MPPED1: variants seen among roughly 807,000 people sequenced by gnomAD.
MPPED1 encodes metallophosphoesterase domain-containing protein 1.
Under a neutral mutation model 36.2 loss-of-function variants are expected in MPPED1, and 16 were observed. That is an observed-to-expected ratio of 0.44 (90% CI 0.30 to 0.67). The LOEUF (loss-of-function observed/expected upper bound fraction) is 0.67, where lower values mean the gene tolerates loss of function less well. Among genes scored for constraint, MPPED1 ranks in the 30% least tolerant of loss-of-function variants. The probability of loss-of-function intolerance (pLI) is 0.10; values close to 1 mark genes in which losing one functional copy is unlikely to be tolerated. For synonymous variants in MPPED1, 199 were observed against 191.3 expected (o/e 1.04, Z -0.33); for missense variants, 307 against 453.4 (o/e 0.68, Z 2.93).
intron 3 of MPPED1, among the ~76,000 whole-genome samples, chr22:43,467,189 G>T (rs1309625534): frequency 6.6e-6 from 1 of 152,172 alleles, no homozygotes; most frequent in East Asian, 1.9e-4. Flanking sequence ...GTCAGGCTAC[G>T]CCCCCTGCAC....
intron 3 of MPPED1, among the ~76,000 whole-genome samples, chr22:43,447,708 A>G (rs900280302): frequency 1.3e-4 from 20 of 151,106 alleles, no homozygotes; most frequent in Admixed American, 4.0e-4. Context: ...CAGATTACAT[A>G]GGTCTCGGGA....
chr22:43,425,092 G>C lies in MPPED1; in HGVS notation c.107G>C (p.Arg36Pro). Residue 36 changes from arginine to proline, a missense_variant, in exon 2 of 7, where the codon CGG becomes CCG. Physicochemically the swap from Arg to Pro is moderately radical, Grantham distance 103. Around this residue, in one of 3 missense-constraint regions of MPPED1, gnomAD observed 169 missense variants for 212.3 expected, o/e 0.80. Coordinates refer to ENST00000443721, the MANE Select transcript of MPPED1 (RefSeq NM_001044370.2). ...TCCCAGTCCCACGTGATGGCCGCTC[G>C]GCGGCACCAGCACAGCCGGCTCATC... Reference protein sequence around the residue: ...AFSQSHVMAARRHQHSRLIIE... With the variant: ...AFSQSHVMAAPRHQHSRLIIE... 1.2e-6 allele frequency: 2 copies of C among 1,613,776 alleles called. No homozygotes were observed. Among genetic ancestry groups the C allele is most frequent in the African/African-American group, 1.3e-5 (1 of 75,056 alleles).
rs1602029728 is a variant in MPPED1 at position 43,502,022 on chromosome 22, C to T, written c.749-622C>T. Among the ~76,000 whole-genome samples, 4 of 152,206 alleles carry T rather than the reference C, an allele frequency of 2.6e-5. No homozygotes were observed. Among genetic ancestry groups the T allele is most frequent in the Admixed American group, 1.3e-4 (2 of 15,294 alleles). Reference sequence around the variant, plus strand: ...TTGCTTGGAGTAATCAATTATTCTCCGTTTGTGTAGCCATGTGAGGATAAT... The same window carrying T: ...TTGCTTGGAGTAATCAATTATTCTCTGTTTGTGTAGCCATGTGAGGATAAT... On this transcript the variant is annotated intron_variant, in intron 5 of 6. Coordinates refer to ENST00000443721, the MANE Select transcript of MPPED1 (RefSeq NM_001044370.2). The surrounding 1 kb of genome is among the most constrained non-coding windows in gnomAD (Gnocchi z 5.5).
intron 3 of MPPED1, among the ~76,000 whole-genome samples, chr22:43,471,002 G>A (rs1385999322): frequency 6.6e-6 from 1 of 152,218 alleles, no homozygotes. Context: ...TTATGTATGG[G>A]AGCTGGGCCT....
intron 4 of MPPED1, among the ~76,000 whole-genome samples, chr22:43,497,824 C>T (rs1228761125): frequency 6.8e-6 from 1 of 146,076 alleles, no homozygotes; most frequent in Non-Finnish European, 1.5e-5. Flanking sequence ...GGGCATCTTC[C>T]TGGGGGTGGG....
intron 3 of MPPED1, among the ~76,000 whole-genome samples, chr22:43,450,309 G>C (rs2146853201): frequency 6.6e-6 from 1 of 152,338 alleles, no homozygotes; most frequent in East Asian, 1.9e-4. Flanking sequence ...CATGCCTGCT[G>C]GGCAGCCCTG....
intron 3 of MPPED1, among the ~76,000 whole-genome samples, chr22:43,438,677 C>CTG (rs1569069785): frequency 1.3e-5 from 2 of 152,030 alleles, no homozygotes; most frequent in Non-Finnish European, 2.9e-5. Context: ...CTCTCTCTCT[C>CTG]TGTGTCTGAT....
At chr22:43,457,680 A>G (rs113764542) in intron 3 of MPPED1, among the ~76,000 whole-genome samples, 6,729 of 152,160 alleles carry the variant, frequency 0.044, 499 homozygotes, top group African/African-American at 0.15. Flanking sequence ...GAAAAATTGT[A>G]TTAGTTGTTG....
chr22:43,444,277 GGGGTGTGTGTGTGTGT>G (rs1479484528), intron 3 of MPPED1, among the ~76,000 whole-genome samples: 1 of 86,990 alleles, frequency 1.1e-5, no homozygotes, highest in Non-Finnish European at 2.3e-5. Context: ...GAGACCCACT[GGGGTGTGTGTGTGTGT>G]GTGTGTGTGT....
chr22:43,484,392 G>T (rs139244540), intron 4 of MPPED1, among the ~76,000 whole-genome samples: 2 of 152,200 alleles, frequency 1.3e-5, no homozygotes, highest in South Asian at 2.1e-4. Flanking sequence ...TGGCTCAGGC[G>T]TGTAGACTTG....
intron 6 of MPPED1, among the ~76,000 whole-genome samples, chr22:43,503,457 C>T (rs1296139358): frequency 1.3e-5 from 2 of 152,168 alleles, no homozygotes; most frequent in African/African-American, 4.8e-5. Flanking sequence ...ACGTGGTTTC[C>T]CCCAGAGACA....
At position 43,498,302 on chromosome 22, in the gene MPPED1, C is replaced by T. The variant is rs1169977121; in HGVS notation, c.700C>T (p.Leu234Phe). 1 of 1,535,460 alleles carries T rather than the reference C, an allele frequency of 6.5e-7. No individual in the cohort carries two copies. The highest frequency in any genetic ancestry group is 8.7e-7 in the Non-Finnish European group (1 of 1,146,568). Residue 234 changes from leucine (L) to phenylalanine (F), a missense_variant, in exon 5 of 7, where the codon CTC (leucine) becomes TTC (phenylalanine). By Grantham distance (22) the Leu-to-Phe change is conservative. This residue lies in a region of MPPED1 where 132 missense variants were observed against 212.3 expected (regional missense o/e 0.62). Coordinates refer to ENST00000443721, the MANE Select transcript of MPPED1 (RefSeq NM_001044370.2). ...CCAAGCCCTGCTGGAGAAATGGAACCTCATTCCCGAAGGCGTAGACATCCT... is the reference window on the plus strand; with the variant it reads ...CCAAGCCCTGCTGGAGAAATGGAACTTCATTCCCGAAGGCGTAGACATCCT... Reference protein sequence around the residue: ...RGQALLEKWNLIPEGVDILIT... With the variant: ...RGQALLEKWNFIPEGVDILIT...
At chr22:43,469,606 G>C (rs574792130) in intron 3 of MPPED1, among the ~76,000 whole-genome samples, 1 of 121,086 alleles carries the variant, frequency 8.3e-6, no homozygotes, top group Non-Finnish European at 1.8e-5. Context: ...TGGGACTTCC[G>C]TTCTGTGTCC....
chr22:43,499,028 A>G (rs1602023395), intron 5 of MPPED1, among the ~76,000 whole-genome samples: 1 of 150,522 alleles, frequency 6.6e-6, no homozygotes, highest in African/African-American at 2.4e-5. Flanking sequence ...TCTCTCTCCC[A>G]TGGTCATGGT....
Position 43,487,470 on chromosome 22 carries a change from C to T in MPPED1, c.633-10765C>T, listed in dbSNP as rs78443250. ...GCAGATCCTAAAGCCCCGTGTGCCA[C>T]GCCGAGGGCTGGGCTTGTCCTGGAA... is the stretch of plus-strand genomic sequence containing the variant. On this transcript the variant is annotated intron_variant, in intron 4 of 6. Transcript: ENST00000443721. 6.1e-3 allele frequency among the ~76,000 whole-genome samples: 927 copies of T among 152,228 alleles called. 4 individuals carry two copies. The highest frequency in any genetic ancestry group is 0.021 in the African/African-American group (878 of 41,518).
At chr22:43,453,557 G>A (rs898679239) in intron 3 of MPPED1, among the ~76,000 whole-genome samples, 6 of 152,150 alleles carry the variant, frequency 3.9e-5, no homozygotes, top group Non-Finnish European at 7.3e-5. Flanking sequence ...GGGGGATGAG[G>A]TGGGCCAGGA....
chr22:43,482,785 C>T (rs1320040862), intron 4 of MPPED1, among the ~76,000 whole-genome samples: 1 of 152,236 alleles, frequency 6.6e-6, no homozygotes, highest in Non-Finnish European at 1.5e-5. Context: ...AGCCAGGTGG[C>T]TCTGGGATGA....
chr22:43,500,309 GATGGAGGTGGTGATGGTGGTGGTGGA>G lies in MPPED1; in HGVS notation c.748+1960_748+1985del, dbSNP rs1481032206. ...TGATGGGGGTGGTGGTGGTGATGGT[GATGGAGGTGGTGATGGTGGTGGTGGA>G]GGTGGTGGTGGTGATGGTGATGGAG... On this transcript the variant is annotated intron_variant, in intron 5 of 6. Coordinates refer to ENST00000443721, the MANE Select transcript of MPPED1 (RefSeq NM_001044370.2). 1.0e-3 allele frequency among the ~76,000 whole-genome samples: 144 copies of G among 140,040 alleles called. 1 individual carries two copies. The highest frequency in any genetic ancestry group is 1.7e-3 in the Admixed American group (23 of 13,932). The allele number at this position is 140,040 out of a possible 152,430, so 91.9% of individuals were successfully genotyped here. A position where few individuals can be genotyped will look rare whatever the true frequency, so the allele number is the denominator to read the frequency against.
intron 5 of MPPED1, among the ~76,000 whole-genome samples, chr22:43,500,290 G>GGAGGTGGTGGTGGT (rs1932665214): frequency 1.1e-4 from 1 of 9,040 alleles, no homozygotes; most frequent in Non-Finnish European, 2.1e-4. Flanking sequence ...GTGGTGATGG[G>GGAGGTGGTGGTGGT]GGTGGTGGTG....
Sources: allele counts gnomAD v4.1 joint callset (sites outside exome capture counted in the v4.1 genomes callset), GRCh38; gene constraint gnomAD v4.1.1; regional missense constraint gnomAD v4.1.1; non-coding constraint Gnocchi (gnomAD v3.1); transcripts MANE v1.5; gene names NCBI Gene and HGNC (gene_info 2026-07-23, HGNC 2026-07-21).